Variants in SYT16 observed in about 807,000 individuals in gnomAD.
SYT16 encodes synaptotagmin-16.
A neutral mutation model predicts 61.4 loss-of-function variants in SYT16; 42 were observed. The observed-to-expected ratio is 0.68, with a 90% CI of 0.53 to 0.89. SYT16 has a LOEUF of 0.89. SYT16 is among the 40% of genes least tolerant of loss of function. The pLI is 0.00. For missense variants in SYT16, 804 were observed against 807.3 expected, an observed-to-expected ratio of 1.00 and a Z score of 0.05; for synonymous variants, 314 against 302.3, an observed-to-expected ratio of 1.04 and a Z score of -0.40.
rs554761403 is a variant in SYT16, at chr14:61,906,778, C to T, written c.-324-63354C>T. Among the ~76,000 whole-genome samples, 7 of 110,868 alleles carry T rather than the reference C, an allele frequency of 6.3e-5. No individual in the cohort carries two copies. The South Asian group carries it at 1.1e-3, about 17-fold the overall frequency. 72.7% of individuals were successfully genotyped at this position (110,868 alleles called of 152,430 possible). On this transcript the variant is annotated intron_variant, in intron 1 of 7. Coordinates refer to ENST00000683842, the MANE Select transcript of SYT16 (RefSeq NM_001367656.1). ...CCGTCCGTCCGTCAATCCATCCATCCGTCCGTCCGTCCATCCATCCATCCA... is the reference window on the plus strand; with the variant it reads ...CCGTCCGTCCGTCAATCCATCCATCTGTCCGTCCGTCCATCCATCCATCCA...
chr14:61,888,129 T>C (rs929271221), intron 1 of SYT16, among the ~76,000 whole-genome samples: 1 of 149,090 alleles, frequency 6.7e-6, no homozygotes, highest in East Asian at 1.9e-4. Flanking sequence ...TCTTTTCTTT[T>C]TTTTTTTTTT....
chr14:61,957,785 G>T (rs556625899), intron 1 of SYT16, among the ~76,000 whole-genome samples: 1 of 151,716 alleles, frequency 6.6e-6, no homozygotes, highest in Non-Finnish European at 1.5e-5. Flanking sequence ...TGGTGGTTTT[G>T]TCTGGTGTTG....
intron 1 of SYT16, among the ~76,000 whole-genome samples, chr14:61,949,883 T>A (rs2050601039): frequency 6.6e-6 from 1 of 152,232 alleles, no homozygotes; most frequent in African/African-American, 2.4e-5. Context: ...CATAGCTTGC[T>A]ATGAAATCAG....
At chr14:61,920,826 T>A (rs1305895525) in intron 1 of SYT16, among the ~76,000 whole-genome samples, 1 of 152,246 alleles carries the variant, frequency 6.6e-6, no homozygotes, top group African/African-American at 2.4e-5. Flanking sequence ...CTATTCTTGT[T>A]TCCATTTTAC....
chr14:62,099,874 TGTGTCTGTCTGTCTG>T (rs1317236873), intron 7 of SYT16, among the ~76,000 whole-genome samples: 10 of 46,060 alleles, frequency 2.2e-4, no homozygotes, highest in Non-Finnish European at 5.1e-4. Flanking sequence ...CAAGACCTTG[TGTGTCTGTCTGTCTG>T]TCTGTCTGTC....
intron 1 of SYT16, among the ~76,000 whole-genome samples, chr14:61,847,347 T>C (rs969026568): frequency 6.6e-6 from 1 of 152,206 alleles, no homozygotes; most frequent in Admixed American, 6.5e-5. Flanking sequence ...AGTCTTTTTT[T>C]CCCCAGCACT....
intron 1 of SYT16, among the ~76,000 whole-genome samples, chr14:61,826,555 AG>A (rs2140226406): frequency 6.6e-6 from 1 of 152,088 alleles, no homozygotes; most frequent in African/African-American, 2.4e-5. Context: ...GGAGGTGAAG[AG>A]ACCTGGCAGA....
intron 1 of SYT16, among the ~76,000 whole-genome samples, chr14:61,935,483 C>T (rs982544285): frequency 2.0e-4 from 31 of 152,206 alleles, no homozygotes; most frequent in Non-Finnish European, 1.5e-5. Flanking sequence ...CCTAGCCTGG[C>T]TCTTCACCTA....
intron 1 of SYT16, among the ~76,000 whole-genome samples, chr14:61,920,016 C>T (rs1419417905): frequency 6.6e-6 from 1 of 152,150 alleles, no homozygotes; most frequent in Non-Finnish European, 1.5e-5. Context: ...AATTTATGCT[C>T]AGAAAGTATT....
rs566451304 is a variant in SYT16 at position 62,110,704 on chromosome 14, C to T, written c.*9997C>T. On this transcript the variant is annotated 3_prime_UTR_variant, in exon 8 of 8. Transcript: ENST00000683842. The stretch of plus-strand genomic sequence containing the variant: ...CAAACACTGATCATGTAACAAACTG[C>T]AAATCCATGTTTTCAGCAGGTTCGC... 1 of 152,052 alleles carries T rather than the reference C, an allele frequency of 6.6e-6. No homozygotes were observed. Among genetic ancestry groups the T allele is most frequent in the Non-Finnish European group, 1.5e-5 (1 of 67,904 alleles). 9.4% of individuals were successfully genotyped at this position (152,052 alleles called of 1,614,324 possible).
chr14:62,046,346 G>T (rs2054984557), intron 3 of SYT16, among the ~76,000 whole-genome samples: 1 of 152,082 alleles, frequency 6.6e-6, no homozygotes. Flanking sequence ...GTAGATTCTG[G>T]ATATTAGCCC....
At chr14:61,930,767 G>T (rs77771756) in intron 1 of SYT16, among the ~76,000 whole-genome samples, 2 of 151,988 alleles carry the variant, frequency 1.3e-5, no homozygotes, top group Admixed American at 1.3e-4. Flanking sequence ...GGAAGCAGAC[G>T]AAGAGGTCAG....
chr14:61,923,841 A>G (rs964348753), intron 1 of SYT16, among the ~76,000 whole-genome samples: 2 of 152,208 alleles, frequency 1.3e-5, no homozygotes, highest in African/African-American at 4.8e-5. Flanking sequence ...TATTATTAGC[A>G]GGAATTTGAC....
At chr14:62,087,184 G>A (rs998696971) in intron 7 of SYT16, among the ~76,000 whole-genome samples, 2 of 152,232 alleles carry the variant, frequency 1.3e-5, no homozygotes, top group Admixed American at 1.3e-4. Context: ...AAAGAATGAG[G>A]GGACACGAGT....
At chr14:61,886,853 G>C (rs1330453163) in intron 1 of SYT16, among the ~76,000 whole-genome samples, 2 of 151,344 alleles carry the variant, frequency 1.3e-5, no homozygotes, top group African/African-American at 4.9e-5. Context: ...ATTTCTTTAA[G>C]GGGAGTTACG....
intron 1 of SYT16, among the ~76,000 whole-genome samples, chr14:61,882,212 A>G (rs990526755): frequency 2.0e-5 from 3 of 152,240 alleles, no homozygotes; most frequent in African/African-American, 7.2e-5. Context: ...AATAGAATGA[A>G]CAAAGGATAA....
intron 1 of SYT16, among the ~76,000 whole-genome samples, chr14:61,819,418 C>T (rs1479828368): frequency 6.6e-6 from 1 of 152,172 alleles, no homozygotes; most frequent in Middle Eastern, 3.2e-3. Flanking sequence ...GTCATCCTTC[C>T]ATTAAGGATT....
chr14:62,054,550 T>C (rs7141287), intron 3 of SYT16, among the ~76,000 whole-genome samples: 68,703 of 151,640 alleles, frequency 0.45, 18,820 homozygotes, highest in African/African-American at 0.78. Flanking sequence ...TTTGTAGAGG[T>C]ACAGTTTCCT....
At chr14:62,024,522 C>T (rs540972578) in intron 3 of SYT16, among the ~76,000 whole-genome samples, 69 of 151,910 alleles carry the variant, frequency 4.5e-4, no homozygotes, top group Non-Finnish European at 6.2e-4. Context: ...TAAAATTGAT[C>T]GGAAAGTGCA....
Sources: gnomAD v4.1 joint callset for allele counts (sites outside exome capture counted in the v4.1 genomes callset) on GRCh38, gnomAD v4.1.1 for gene constraint, MANE v1.5 for transcripts, NCBI Gene and HGNC (gene_info 2026-07-23, HGNC 2026-07-21) for gene names.